The following GOPC variants were observed in gnomAD, a reference collection of about 807,000 sequenced individuals.
GOPC encodes the protein Golgi-associated PDZ and coiled-coil motif-containing protein.
A neutral mutation model predicts 51.2 loss-of-function variants in GOPC; 32 were observed. That is an observed-to-expected ratio of 0.63 (90% confidence interval 0.47 to 0.84). The LOEUF is 0.84. GOPC is among the 40% of genes least tolerant of loss of function. The probability of loss-of-function intolerance (pLI) is 0.00; values close to 1 mark genes in which losing one functional copy is unlikely to be tolerated. For synonymous variants in GOPC, 190 were observed against 205.1 expected (o/e 0.93, Z 0.63); for missense variants, 441 against 555.5 (o/e 0.79, Z 2.07).
intron 1 of GOPC, among the ~76,000 whole-genome samples, chr6:117,596,691 C>T (rs1780202854): frequency 6.6e-6 from 1 of 152,234 alleles, no homozygotes; most frequent in South Asian, 2.1e-4. Flanking sequence ...TGTCAAAGAT[C>T]AGTTGACTGT....
In GOPC at chr6:117,562,126, C is replaced by G. The variant is rs12464; in HGVS notation, c.*1128G>C. ...AATATTAAATCAGAGAGGAGGCACTCCATGTTTAATCATGGGACAACAGAC... is the reference window on the plus strand; with the variant it reads ...AATATTAAATCAGAGAGGAGGCACTGCATGTTTAATCATGGGACAACAGAC... On this transcript the variant is annotated 3_prime_UTR_variant, in exon 9 of 9. Coordinates refer to ENST00000368498, the MANE Select transcript of GOPC (RefSeq NM_020399.4). 0.038 allele frequency: 7,853 copies of G among 206,594 alleles called. 193 individuals are homozygous for G. Among genetic ancestry groups the G allele is most frequent in the Non-Finnish European group, 0.051 (5,155 of 101,164 alleles). The allele number at this position is 206,594 out of a possible 1,614,324, so 12.8% of individuals were successfully genotyped here. A position where few individuals can be genotyped will look rare whatever the true frequency, so the allele number is the denominator to read the frequency against.
rs1355801420 is a variant in GOPC at position 117,602,194 on chromosome 6, C to T, written c.95G>A (p.Arg32Gln). Residue 32 changes from arginine (R) to glutamine (Q), a missense_variant, in exon 1 of 9, where the codon CGG (arginine) becomes CAG (glutamine). Around this residue, in one of 3 missense-constraint regions of GOPC, gnomAD observed 204 missense variants for 219.8 expected, o/e 0.93. Transcript: ENST00000368498. ...VGAPGGVSMF[R>Q]WLEVLEKEFD... ...CTCCTTCTCCAGCACCTCCAGCCAC[C>T]GGAACATGGATACCCCGCCAGGGGC... is the stretch of plus-strand genomic sequence containing the variant. The T allele has an allele frequency of 1.9e-6, 3 of 1,611,656 alleles. No homozygotes were observed. The highest frequency in any genetic ancestry group is 1.7e-6 in the Non-Finnish European group (2 of 1,180,006).
intron 1 of GOPC, among the ~76,000 whole-genome samples, chr6:117,597,462 A>G (rs1392632829): frequency 6.6e-6 from 1 of 152,148 alleles, no homozygotes; most frequent in Non-Finnish European, 1.5e-5. Flanking sequence ...TCTTCAGATA[A>G]AAAGTTTCTC....
Position 117,602,239 on chromosome 6 carries a change from C to T in GOPC, c.50G>A (p.Gly17Asp), listed in dbSNP as rs769488126. The T allele has an allele frequency of 1.9e-6, 3 of 1,601,640 alleles. No individual in the cohort carries two copies. Among genetic ancestry groups the T allele is most frequent in the East Asian group, 4.5e-5 (2 of 44,816 alleles). Residue 17 changes from glycine (G) to aspartate (D), a missense_variant, in exon 1 of 9, where the codon GGC becomes GAC. Gly to Asp is a moderately conservative substitution (Grantham distance 94). This residue lies in a region of GOPC where 204 missense variants were observed against 219.8 expected (regional missense o/e 0.93). Transcript: ENST00000368498. Reference sequence around the variant, plus strand: ...AGGGGCCCCCACGGAGCAGGAGGCGCCCCCTGGGCCCCCTCCGGCTGCTGC... The same window carrying T: ...AGGGGCCCCCACGGAGCAGGAGGCGTCCCCTGGGCCCCCTCCGGCTGCTGC... ...CPAAAGGGPGGASCSVGAPGG... is the reference protein window; with the variant it reads ...CPAAAGGGPGDASCSVGAPGG...
At chr6:117,601,039 G>C (rs1771998207) in intron 1 of GOPC, among the ~76,000 whole-genome samples, 1 of 152,114 alleles carries the variant, frequency 6.6e-6, no homozygotes, top group Non-Finnish European at 1.5e-5. Flanking sequence ...CAATGACAAC[G>C]AGTAATGATG....
At chr6:117,572,082 T>C (rs1355979613) in intron 5 of GOPC, among the ~76,000 whole-genome samples, 3 of 152,152 alleles carry the variant, frequency 2.0e-5, no homozygotes, top group Non-Finnish European at 4.4e-5. Context: ...TCAAAACAGA[T>C]TTCTCTTCTG....
At position 117,573,472 on chromosome 6, in the gene GOPC, C is replaced by T; in HGVS notation, c.811G>A (p.Gly271Ser). 6.2e-7 allele frequency: 1 copy of T among 1,612,900 alleles called. No individual in the cohort carries two copies. Among genetic ancestry groups the T allele is most frequent in the Non-Finnish European group, 8.5e-7 (1 of 1,179,394 alleles). ...CAGCAGCAAAGCAAACATACATGGC[C>T]TGGTGGTGCTTGCATTGGTCGTTTC... The part of the protein sequence containing the change: ...DLKRPMQAPP[G>S]HDQDSLKKSQ... Residue 271 changes from glycine (G) to serine (S), a missense_variant, in exon 5 of 9, where the codon GGC (glycine) becomes AGC (serine). Around this residue, in one of 3 missense-constraint regions of GOPC, gnomAD observed 166 missense variants for 267.0 expected, o/e 0.62. Coordinates refer to ENST00000368498, the MANE Select transcript of GOPC (RefSeq NM_020399.4).
In GOPC at chr6:117,602,337, CG is replaced by C. The variant is rs1562151654; in HGVS notation, c.-50del. ...ACTGCTGAAGACCCTCGCCGCCCCC[CG>C]CGCACGAAGGGAACTGCTGGGACTG... is the stretch of plus-strand genomic sequence containing the variant. On this transcript the variant is annotated 5_prime_UTR_variant, in exon 1 of 9. Coordinates refer to ENST00000368498, the MANE Select transcript of GOPC (RefSeq NM_020399.4). The C allele has an allele frequency of 4.7e-6, 7 of 1,503,276 alleles. No individual in the cohort carries two copies. Among genetic ancestry groups the C allele is most frequent in the African/African-American group, 1.4e-5 (1 of 71,788 alleles). The allele number at this position is 1,503,276 out of a possible 1,614,324, so 93.1% of individuals were successfully genotyped here.
rs772993216 is a variant in GOPC at position 117,563,326 on chromosome 6, A to C, written c.1317T>G (p.Ser439Arg). 1.2e-6 allele frequency: 2 copies of C among 1,613,288 alleles called. No individual in the cohort carries two copies. The highest frequency in any genetic ancestry group is 2.2e-5 in the East Asian group (1 of 44,870). ...AAGCACCGTCATCTAGCGGAGTTTC[A>C]CTTGCAGTGCCCAGGTCTCCATTTT... ...THENGDLGTA[S>R]ETPLDDGASK... Residue 439 changes from serine (S) to arginine (R), a missense_variant, in exon 9 of 9, where the codon AGT becomes AGG. By Grantham distance (110) the Ser-to-Arg change is moderately radical (BLOSUM62 -1). This residue lies in a region of GOPC where 71 missense variants were observed against 68.8 expected (regional missense o/e 1.03). Transcript: ENST00000368498.
chr6:117,582,219 G>GT (rs1419520922), intron 1 of GOPC, among the ~76,000 whole-genome samples: 1 of 148,744 alleles, frequency 6.7e-6, no homozygotes, highest in Non-Finnish European at 1.5e-5. Flanking sequence ...TTGGTGGTTT[G>GT]TAAGTTCTCT....
At position 117,575,284 on chromosome 6, in the gene GOPC, C is replaced by G. The variant is rs764650196; in HGVS notation, c.543G>C (p.Leu181Phe). 3.7e-6 allele frequency: 6 copies of G among 1,613,746 alleles called. No homozygotes were observed. The South Asian group carries it at 5.5e-5, about 15-fold the overall frequency. ...KEAQLEAEVK[L>F]LRKENEALRR... is the part of the protein sequence containing the mutation. The stretch of plus-strand genomic sequence containing the variant: ...GAAGGGCTTCATTCTCTTTTCTCAA[C>G]AATTTCACTTCAGCTTCAAGTTGTG... Residue 181 changes from leucine to phenylalanine, a missense_variant, in exon 4 of 9, where the codon TTG becomes TTC. By Grantham distance (22) the Leu-to-Phe change is conservative. Coordinates refer to ENST00000368498, the MANE Select transcript of GOPC (RefSeq NM_020399.4).
Position 117,562,184 on chromosome 6 carries a change from G to A in GOPC, c.*1070C>T, listed in dbSNP as rs189490925. ...ATTTATAAACCTGCATATGAAGAGAGCTTTAGTCAAACATAAACTGACATG... is the reference window on the plus strand; with the variant it reads ...ATTTATAAACCTGCATATGAAGAGAACTTTAGTCAAACATAAACTGACATG... On this transcript the variant is annotated 3_prime_UTR_variant, in exon 9 of 9. Transcript: ENST00000368498. 1.2e-4 allele frequency: 24 copies of A among 207,798 alleles called. No homozygotes were observed. In the Admixed American group the frequency reaches 1.4e-3, roughly 12 times the overall value. 12.9% of individuals were successfully genotyped at this position (207,798 alleles called of 1,614,324 possible).
Position 117,563,158 on chromosome 6 carries a change from A to G in GOPC, c.*96T>C. The G allele has an allele frequency of 1.7e-6, 2 of 1,159,934 alleles. No individual in the cohort carries two copies. Among genetic ancestry groups the G allele is most frequent in the Non-Finnish European group, 2.5e-6 (2 of 800,342 alleles). 71.9% of individuals were successfully genotyped at this position (1,159,934 alleles called of 1,614,324 possible). On this transcript the variant is annotated 3_prime_UTR_variant, in exon 9 of 9. Transcript: ENST00000368498. ...CCCGCCTTTCATTTAGGCAACAAAC[A>G]GCCTCCCCTGATTTTGTAGTCTTTG...
intron 1 of GOPC, among the ~76,000 whole-genome samples, chr6:117,583,950 T>C (rs992896590): frequency 6.6e-6 from 1 of 152,250 alleles, no homozygotes; most frequent in East Asian, 1.9e-4. Flanking sequence ...AAAATCTATA[T>C]TGCAGCACAT....
rs1400715265 is a variant in GOPC at position 117,563,163 on chromosome 6, C to T, written c.*91G>A. On this transcript the variant is annotated 3_prime_UTR_variant, in exon 9 of 9. Transcript: ENST00000368498. ...CTTTCATTTAGGCAACAAACAGCCT[C>T]CCCTGATTTTGTAGTCTTTGTCACC... 8 of 1,212,428 alleles carry T rather than the reference C, an allele frequency of 6.6e-6. No homozygotes were observed. Among genetic ancestry groups the T allele is most frequent in the Non-Finnish European group, 9.5e-6 (8 of 842,282 alleles). 75.1% of individuals were successfully genotyped at this position (1,212,428 alleles called of 1,614,324 possible).
chr6:117,564,186 C>G (rs1166878801), intron 8 of GOPC, among the ~76,000 whole-genome samples: 1 of 151,982 alleles, frequency 6.6e-6, no homozygotes. Flanking sequence ...CACTATGTTG[C>G]CCAGGTTGGT....
At chr6:117,564,053 C>T (rs1347464047) in intron 8 of GOPC, among the ~76,000 whole-genome samples, 13 of 151,222 alleles carry the variant, frequency 8.6e-5, no homozygotes, top group African/African-American at 3.2e-4. Context: ...TTACGGCTCA[C>T]TGCTGCCTTG....
intron 7 of GOPC, among the ~76,000 whole-genome samples, chr6:117,567,549 T>A (rs1259039875): frequency 6.6e-6 from 1 of 152,130 alleles, no homozygotes; most frequent in African/African-American, 2.4e-5. Context: ...TACAAAATGA[T>A]TTTTTGTTTC....
At chr6:117,576,505 C>T (rs1191653977) in intron 3 of GOPC, among the ~76,000 whole-genome samples, 2 of 152,078 alleles carry the variant, frequency 1.3e-5, no homozygotes. Context: ...GTTGATGCAA[C>T]TTTTGAAAGA....
Sources: allele counts gnomAD v4.1 joint callset (sites outside exome capture counted in the v4.1 genomes callset), GRCh38; gene constraint gnomAD v4.1.1; regional missense constraint gnomAD v4.1.1; transcripts MANE v1.5; gene names NCBI Gene and HGNC (gene_info 2026-07-23, HGNC 2026-07-21).